Variants in ULK4 observed in about 807,000 individuals in gnomAD.
The protein encoded by ULK4 is inactive serine/threonine-protein kinase ULK4.
Under a neutral mutation model 160.6 loss-of-function variants are expected in ULK4, and 133 were observed. That is an observed-to-expected ratio of 0.83 (90% confidence interval 0.72 to 0.96). ULK4 has a LOEUF of 0.96. Ranked by LOEUF, ULK4 falls within the 40% of genes least tolerant of loss-of-function variation. ULK4 has a pLI of 0.00. For synonymous variants in ULK4, 534 were observed against 539.8 expected, an observed-to-expected ratio of 0.99 and a Z score of 0.15; for missense variants, 1,580 against 1,499.5, an observed-to-expected ratio of 1.05 and a Z score of -0.89.
intron 32 of ULK4, among the ~76,000 whole-genome samples, chr3:41,515,696 G>A (rs181027167): frequency 4.0e-4 from 61 of 152,228 alleles, no homozygotes; most frequent in African/African-American, 9.4e-4. Context: ...CTCATGAGAC[G>A]CACTCATTAT....
intron 34 of ULK4, among the ~76,000 whole-genome samples, chr3:41,424,537 C>T (rs1316303000): frequency 6.6e-6 from 1 of 152,130 alleles, no homozygotes; most frequent in Non-Finnish European, 1.5e-5. Flanking sequence ...GGTTGGTGCA[C>T]CTCTGGGACA....
chr3:41,934,789 C>A (rs1021480400), intron 4 of ULK4, among the ~76,000 whole-genome samples: 5 of 152,018 alleles, frequency 3.3e-5, no homozygotes, highest in Non-Finnish European at 7.4e-5. Flanking sequence ...AGGAATCATA[C>A]ACATATAGCC....
chr3:41,379,801 A>C (rs879740087), intron 35 of ULK4, among the ~76,000 whole-genome samples: 1 of 152,222 alleles, frequency 6.6e-6, no homozygotes, highest in Admixed American at 6.5e-5. Context: ...TTGATTTTAA[A>C]GGCAAATTCT....
intron 17 of ULK4, among the ~76,000 whole-genome samples, chr3:41,882,498 T>C (rs564635811): frequency 6.6e-6 from 1 of 152,354 alleles, no homozygotes; most frequent in Admixed American, 6.5e-5. Flanking sequence ...TCTGAAACTA[T>C]CATCCATGCC....
chr3:41,303,029 A>G (rs2079830398), intron 35 of ULK4, among the ~76,000 whole-genome samples: 1 of 152,222 alleles, frequency 6.6e-6, no homozygotes, highest in South Asian at 2.1e-4. Flanking sequence ...TTTATGTCAG[A>G]AGGAACAAAA....
intron 30 of ULK4, among the ~76,000 whole-genome samples, chr3:41,640,048 G>A (rs1460038310): frequency 1.3e-5 from 2 of 152,074 alleles, no homozygotes; most frequent in African/African-American, 4.8e-5. Flanking sequence ...GATGGCTGAT[G>A]GCCCATAAAA....
intron 22 of ULK4, among the ~76,000 whole-genome samples, chr3:41,723,319 T>C (rs879524156): frequency 8.5e-5 from 13 of 152,128 alleles, no homozygotes; most frequent in Admixed American, 2.0e-4. Flanking sequence ...CTTTTGTTAT[T>C]GATTTGGAGG....
At chr3:41,484,878 A>G (rs1478607566) in intron 32 of ULK4, among the ~76,000 whole-genome samples, 1 of 152,206 alleles carries the variant, frequency 6.6e-6, no homozygotes, top group East Asian at 1.9e-4. Flanking sequence ...AATATTATTT[A>G]TCTCTAAACC....
Position 41,835,978 on chromosome 3 carries a change from A to T in ULK4, c.1657-7T>A. On this transcript the variant is annotated splice_polypyrimidine_tract_variant and splice_region_variant and intron_variant, in intron 17 of 36. Transcript: ENST00000301831. ...CAGTTAAGAGAACAATTGCCTGCAA[A>T]GACAAAAAAAAAAAAAGTAAATTAT... 6.6e-7 allele frequency: 1 copy of T among 1,508,938 alleles called. No individual in the cohort carries two copies. Among genetic ancestry groups the T allele is most frequent in the Non-Finnish European group, 9.0e-7 (1 of 1,112,520 alleles). 93.5% of individuals were successfully genotyped at this position (1,508,938 alleles called of 1,614,324 possible).
intron 21 of ULK4, among the ~76,000 whole-genome samples, chr3:41,772,201 C>T (rs1343743871): frequency 1.3e-5 from 2 of 152,006 alleles, no homozygotes; most frequent in African/African-American, 4.8e-5. Flanking sequence ...TAGCAGAAAG[C>T]AAGAAATAAC....
chr3:41,499,283 C>T (rs1377986213), intron 32 of ULK4, among the ~76,000 whole-genome samples: 1 of 151,772 alleles, frequency 6.6e-6, no homozygotes, highest in Non-Finnish European at 1.5e-5. Flanking sequence ...CCCCAATAGA[C>T]AACAGAGCTT....
At chr3:41,623,694 A>G (rs576964946) in intron 30 of ULK4, among the ~76,000 whole-genome samples, 1 of 152,336 alleles carries the variant, frequency 6.6e-6, no homozygotes, top group East Asian at 1.9e-4. Context: ...TGGTTACCAG[A>G]GTGGGAAGGT....
chr3:41,673,223 T>C (rs763861449), intron 29 of ULK4, among the ~76,000 whole-genome samples: 2 of 152,146 alleles, frequency 1.3e-5, no homozygotes, highest in Non-Finnish European at 2.9e-5. Context: ...TTATCAAAGA[T>C]GGTCAAGTTC....
chr3:41,881,606 T>C (rs1697524251), intron 17 of ULK4, among the ~76,000 whole-genome samples: 1 of 152,218 alleles, frequency 6.6e-6, no homozygotes, highest in Admixed American at 6.5e-5. Context: ...CAAGTTATTA[T>C]ACAAGCTCTC....
chr3:41,319,552 A>G (rs1465125892), intron 35 of ULK4, among the ~76,000 whole-genome samples: 1 of 152,240 alleles, frequency 6.6e-6, no homozygotes, highest in African/African-American at 2.4e-5. Flanking sequence ...TTGTTTTACT[A>G]TACTAGACAC....
At chr3:41,434,986 T>C (rs1163481644) in intron 34 of ULK4, among the ~76,000 whole-genome samples, 1 of 152,230 alleles carries the variant, frequency 6.6e-6, no homozygotes, top group Non-Finnish European at 1.5e-5. Context: ...GGCCTCCACA[T>C]TCCAAACAGC....
At chr3:41,685,850 T>G (rs956787758) in intron 27 of ULK4, among the ~76,000 whole-genome samples, 2 of 152,138 alleles carry the variant, frequency 1.3e-5, no homozygotes, top group Non-Finnish European at 2.9e-5. Flanking sequence ...ATGGGAAAAC[T>G]CTTTTGGCCT....
At position 41,745,619 on chromosome 3, in the gene ULK4, CAG is replaced by C. The variant is rs565966175; in HGVS notation, c.2321+8740_2321+8741del. The stretch of plus-strand genomic sequence containing the variant: ...TACAGTCTCTTCCAGAAAACAGAAA[CAG>C]AGGGCATACATCACAATTCATTTTA... On this transcript the variant is annotated intron_variant, in intron 22 of 36. Transcript: ENST00000301831. Among the ~76,000 whole-genome samples the C allele has an allele frequency of 5.3e-4, 81 of 151,532 alleles. 4 individuals carry two copies. The highest frequency in any genetic ancestry group is 1.9e-3 in the African/African-American group (77 of 41,188).
chr3:41,753,601 C>G (rs2038701238), intron 22 of ULK4, among the ~76,000 whole-genome samples: 1 of 152,172 alleles, frequency 6.6e-6, no homozygotes, highest in Admixed American at 6.5e-5. Flanking sequence ...CTTCCTAGGA[C>G]CAGTCCATAA....
Sources: gnomAD v4.1 joint callset for allele counts (sites outside exome capture counted in the v4.1 genomes callset) on GRCh38, gnomAD v4.1.1 for gene constraint, MANE v1.5 for transcripts, NCBI Gene and HGNC (gene_info 2026-07-23, HGNC 2026-07-21) for gene names.